ARFGEF3: variants seen among roughly 807,000 people sequenced by gnomAD.
ARFGEF3 encodes brefeldin A-inhibited guanine nucleotide-exchange protein 3.
ARFGEF3 carries 96 observed loss-of-function variants against 221.7 expected under a neutral mutation model. The ratio of observed to expected loss-of-function variants is 0.43; its 90% CI spans 0.37 to 0.51. The LOEUF (loss-of-function observed/expected upper bound fraction) is 0.51, where lower values mean the gene tolerates loss of function less well. Among genes scored for constraint, ARFGEF3 ranks in the 20% least tolerant of loss-of-function variants. The pLI is 0.00. For synonymous variants in ARFGEF3, 1,145 were observed against 1,126.8 expected (o/e 1.02, Z -0.32); for missense variants, 2,410 against 2,789.9 (o/e 0.86, Z 3.07).
At chr6:138,227,812 A>T in intron 4 of ARFGEF3, among the ~76,000 whole-genome samples, 1 of 152,148 alleles carries the variant, frequency 6.6e-6, no homozygotes. Flanking sequence ...TGAAACAAGG[A>T]GATGTGATAC....
In ARFGEF3 at chr6:138,333,616, G is replaced by A. The variant is rs6904413; in HGVS notation, c.5124-354G>A. Among the ~76,000 whole-genome samples the A allele has an allele frequency of 4.7e-3, 708 of 152,090 alleles. 4 individuals are homozygous for A. Among genetic ancestry groups the A allele is most frequent in the African/African-American group, 0.016 (657 of 41,488 alleles). On this transcript the variant is annotated intron_variant, in intron 32 of 33. Transcript: ENST00000251691. The stretch of plus-strand genomic sequence containing the variant: ...CGCCACCATGCCCGGCTAATTTTTT[G>A]TATTTTTAGTAGAGACGGGGTTTCA...
intron 2 of ARFGEF3, among the ~76,000 whole-genome samples, chr6:138,197,370 A>G (rs1014114542): frequency 2.0e-5 from 3 of 152,162 alleles, no homozygotes; most frequent in Admixed American, 2.0e-4. Context: ...TTTACAGTTA[A>G]CTTTTTTCTT....
At chr6:138,237,661 G>T (rs1778312662) in intron 5 of ARFGEF3, among the ~76,000 whole-genome samples, 1 of 152,158 alleles carries the variant, frequency 6.6e-6, no homozygotes, top group Non-Finnish European at 1.5e-5. Context: ...ACAGAAGCAG[G>T]ACAGTGTTAG....
At chr6:138,253,690 G>T (rs1778620711) in intron 8 of ARFGEF3, among the ~76,000 whole-genome samples, 190 bp from the exon 9 acceptor site, 2 of 152,184 alleles carry the variant, frequency 1.3e-5, no homozygotes, top group Admixed American at 1.3e-4. Context: ...ACATTCGGAG[G>T]TGCTGGAGAT....
intron 12 of ARFGEF3, among the ~76,000 whole-genome samples, chr6:138,273,446 C>G (rs1182130815): frequency 1.3e-5 from 2 of 152,190 alleles, no homozygotes; most frequent in Non-Finnish European, 2.9e-5. Flanking sequence ...AGTTACTGAA[C>G]ACTGGGCAAT....
At chr6:138,285,849 A>C (rs939607579) in intron 14 of ARFGEF3, 97 bp from the exon 15 acceptor site, 1 of 711,388 alleles carries the variant, frequency 1.4e-6, no homozygotes, top group African/African-American at 1.8e-5. Flanking sequence ...AAAAGATACA[A>C]GGGATATTTG....
intron 4 of ARFGEF3, chr6:138,218,383 A>T (rs1777915272): frequency 1.9e-6 from 3 of 1,540,494 alleles, no homozygotes; most frequent in African/African-American, 2.8e-5. Flanking sequence ...TGGTTCCTTA[A>T]GAAGGCCCTC....
intron 22 of ARFGEF3, among the ~76,000 whole-genome samples, chr6:138,299,517 G>C (rs896631510): frequency 1.1e-4 from 16 of 152,150 alleles, no homozygotes; most frequent in African/African-American, 9.7e-5. Context: ...CTCTCTCTCT[G>C]AAGTCCACCA....
chr6:138,228,270 G>A (rs11154965), intron 4 of ARFGEF3, among the ~76,000 whole-genome samples: 13,692 of 143,354 alleles, frequency 0.096, 911 homozygotes, highest in East Asian at 0.37. Flanking sequence ...TCCGCCTCCC[G>A]GGTTCAAGTG....
chr6:138,279,676 G>A (rs151240699), intron 13 of ARFGEF3, among the ~76,000 whole-genome samples: 39 of 152,334 alleles, frequency 2.6e-4, no homozygotes, highest in African/African-American at 8.9e-4. Context: ...TTCTGTTGGG[G>A]CTCCTAGAAA....
Position 138,226,134 on chromosome 6 carries a change from G to A in ARFGEF3, c.352-3650G>A, listed in dbSNP as rs563196112. On this transcript the variant is annotated intron_variant, in intron 4 of 33. Coordinates refer to ENST00000251691, the MANE Select transcript of ARFGEF3 (RefSeq NM_020340.5). ...GGGTGTGCCTGACAGAGAAACCCCC[G>A]ATCATGACCAGGACATGTCCTTGGG... 1.6e-3 allele frequency among the ~76,000 whole-genome samples: 238 copies of A among 152,256 alleles called. 1 individual carries two copies. Among genetic ancestry groups the A allele is most frequent in the Non-Finnish European group, 2.6e-3 (178 of 68,024 alleles).
Position 138,221,003 on chromosome 6 carries a change from G to A in ARFGEF3, c.352-8781G>A, listed in dbSNP as rs117209829. On this transcript the variant is annotated intron_variant, in intron 4 of 33. Transcript: ENST00000251691. ...GCAGTAGGCAGTTCAGGCTGGGCTC[G>A]GCTGTCCTGTTCTTTTGCTGATCCC... 4.5e-3 allele frequency among the ~76,000 whole-genome samples: 680 copies of A among 152,258 alleles called. 3 individuals carry two copies. The highest frequency in any genetic ancestry group is 9.3e-3 in the East Asian group (48 of 5,180).
Position 138,339,923 on chromosome 6 carries a change from T to C in ARFGEF3, c.*3437T>C, listed in dbSNP as rs915070898. ...GAACCCAGGCAGATGCTAACATACT[T>C]AACAGCTCGCATTAAAATACTTTAA... On this transcript the variant is annotated 3_prime_UTR_variant, in exon 34 of 34. Transcript: ENST00000251691. 1 of 152,178 alleles carries C rather than the reference T, an allele frequency of 6.6e-6. No homozygotes were observed. Among genetic ancestry groups the C allele is most frequent in the African/African-American group, 2.4e-5 (1 of 41,436 alleles). The allele number at this position is 152,178 out of a possible 1,614,324, so 9.4% of individuals were successfully genotyped here. A position where few individuals can be genotyped will look rare whatever the true frequency, so the allele number is the denominator to read the frequency against.
chr6:138,209,766 C>T (rs1327448467), intron 3 of ARFGEF3, 144 bp from the exon 4 acceptor site: 34 of 1,003,436 alleles, frequency 3.4e-5, no homozygotes, highest in Non-Finnish European at 2.9e-6. Flanking sequence ...TTTTTAACGG[C>T]ACATAGCGTA....
chr6:138,213,204 C>T (rs1488315115), intron 4 of ARFGEF3, among the ~76,000 whole-genome samples: 10 of 150,398 alleles, frequency 6.6e-5, no homozygotes, highest in Non-Finnish European at 1.2e-4. Flanking sequence ...AGGAGAATGG[C>T]ATGAATCCGG....
At chr6:138,321,026 T>C (rs1583066053) in intron 28 of ARFGEF3, 85 bp from the exon 29 acceptor site, 1 of 750,288 alleles carries the variant, frequency 1.3e-6, no homozygotes, top group Non-Finnish European at 2.2e-6. Flanking sequence ...TCATTCAGAC[T>C]TTCCTCTGTT....
rs1780454449 is a variant in ARFGEF3 at position 138,342,836 on chromosome 6, T to G, written c.*6350T>G. 6.6e-6 allele frequency: 1 copy of G among 152,218 alleles called. No individual in the cohort carries two copies. Among genetic ancestry groups the G allele is most frequent in the Non-Finnish European group, 1.5e-5 (1 of 68,044 alleles). The allele number at this position is 152,218 out of a possible 1,614,324, so 9.4% of individuals were successfully genotyped here. On this transcript the variant is annotated 3_prime_UTR_variant, in exon 34 of 34. Transcript: ENST00000251691. ...TTGTACCTTCATCTTTCATTTAATT[T>G]TCTGGCGTAAATTAACATTTTAATT...
chr6:138,307,522 A>G lies in ARFGEF3; in HGVS notation c.3973+125A>G, dbSNP rs1779748055. 2.1e-5 allele frequency: 19 copies of G among 902,684 alleles called. No individual in the cohort carries two copies. The South Asian group carries it at 3.0e-4, about 14-fold the overall frequency. The allele number at this position is 902,684 out of a possible 1,614,324, so 55.9% of individuals were successfully genotyped here. On this transcript the variant is annotated intron_variant, in intron 23 of 33. Coordinates refer to ENST00000251691, the MANE Select transcript of ARFGEF3 (RefSeq NM_020340.5). ...GTCAGCCATGTTTTATCAGCAGGAA[A>G]GAATGTGGTGTAGCAGGAACATGAG...
chr6:138,253,979 G>C lies in ARFGEF3; in HGVS notation c.765G>C (p.Leu255=), dbSNP rs1744806560. The C allele has an allele frequency of 6.3e-7, 1 of 1,576,470 alleles. No homozygotes were observed. Among genetic ancestry groups the C allele is most frequent in the Admixed American group, 1.9e-5 (1 of 53,240 alleles). The change falls in exon 9 of 34, where the codon CTG becomes CTC. Residue 255 remains leucine, a synonymous_variant. Transcript: ENST00000251691. ...SMHLHRRFTD[L]IWKNLCPALI... ...ACCTGCACAGGCGCTTCACGGACCT[G>C]ATCTGGTGAGCACCCACTCCTGACG...
Sources: allele counts gnomAD v4.1 joint callset (sites outside exome capture counted in the v4.1 genomes callset), GRCh38; gene constraint gnomAD v4.1.1; transcripts MANE v1.5; gene names NCBI Gene and HGNC (gene_info 2026-07-23, HGNC 2026-07-21).